Variants in ATP8A1 observed in about 807,000 individuals in gnomAD.
The protein encoded by ATP8A1 is ATPase phospholipid transporting 8A1.
In ATP8A1, 90 loss-of-function variants were observed where a neutral mutation model predicts 177.7. The observed-to-expected ratio is 0.51, with a 90% confidence interval of 0.43 to 0.60. The LOEUF is 0.60. Among genes scored for constraint, ATP8A1 ranks in the 20% least tolerant of loss-of-function variants. The probability of loss-of-function intolerance (pLI) is 0.00; values close to 1 mark genes in which losing one functional copy is unlikely to be tolerated. For synonymous variants in ATP8A1, 493 were observed against 485.9 expected (o/e 1.01, Z -0.19); for missense variants, 1,072 against 1,392.8 (o/e 0.77, Z 3.67).
chr4:42,523,702 T>A (rs900942662), intron 21 of ATP8A1, among the ~76,000 whole-genome samples: 2 of 152,174 alleles, frequency 1.3e-5, no homozygotes, highest in African/African-American at 4.8e-5. Flanking sequence ...AGGAGAAAGA[T>A]GCCCTCAGCT....
At chr4:42,570,520 C>A (rs190708017) in intron 14 of ATP8A1, among the ~76,000 whole-genome samples, 178 of 152,338 alleles carry the variant, frequency 1.2e-3, no homozygotes, top group Non-Finnish European at 1.9e-3. Context: ...CAATCTCATA[C>A]CAGGACAGGG....
intron 5 of ATP8A1, among the ~76,000 whole-genome samples, chr4:42,609,450 C>T (rs770364383): frequency 1.1e-4 from 16 of 152,182 alleles, no homozygotes; most frequent in Non-Finnish European, 2.2e-4. Context: ...CTCACTTTTT[C>T]CTCTGCTTAA....
Position 42,588,252 on chromosome 4 carries a change from G to C in ATP8A1, c.594+8C>G, listed in dbSNP as rs1733825740. The C allele has an allele frequency of 1.9e-5, 31 of 1,601,890 alleles. No homozygotes were observed. Among genetic ancestry groups the C allele is most frequent in the African/African-American group, 4.0e-5 (3 of 74,670 alleles). ...AGTGATTATACATATACTTGTATCAGATCTTACCTGTCTAATTTTCAAGTT... is the reference window on the plus strand; with the variant it reads ...AGTGATTATACATATACTTGTATCACATCTTACCTGTCTAATTTTCAAGTT... On this transcript the variant is annotated splice_region_variant and intron_variant, in intron 8 of 36. Coordinates refer to ENST00000381668, the MANE Select transcript of ATP8A1 (RefSeq NM_006095.2).
Position 42,556,139 on chromosome 4 carries a change from C to A in ATP8A1, c.1341-99G>T, listed in dbSNP as rs568217322. 210 of 704,934 alleles carry A rather than the reference C, an allele frequency of 3.0e-4. 2 individuals are homozygous for A. Among genetic ancestry groups the A allele is most frequent in the African/African-American group, 2.9e-3 (158 of 54,270 alleles). 43.7% of individuals were successfully genotyped at this position (704,934 alleles called of 1,614,324 possible). A position where few individuals can be genotyped will look rare whatever the true frequency, so the allele number is the denominator to read the frequency against. ...ATGAGTAAAGTGTTATGTCTCCAAACCCTCAATAAATTAAATGTAATTTGG... is the reference window on the plus strand; with the variant it reads ...ATGAGTAAAGTGTTATGTCTCCAAAACCTCAATAAATTAAATGTAATTTGG... On this transcript the variant is annotated intron_variant, in intron 15 of 36. Coordinates refer to ENST00000381668, the MANE Select transcript of ATP8A1 (RefSeq NM_006095.2).
intron 24 of ATP8A1, among the ~76,000 whole-genome samples, chr4:42,497,305 A>G (rs1723379553): frequency 6.6e-6 from 1 of 152,206 alleles, no homozygotes; most frequent in Non-Finnish European, 1.5e-5. Context: ...GTACTGGCAC[A>G]TAGTAGGTTT....
intron 4 of ATP8A1, among the ~76,000 whole-genome samples, chr4:42,620,309 C>A (rs1331614380): frequency 6.6e-6 from 1 of 152,178 alleles, no homozygotes; most frequent in Non-Finnish European, 1.5e-5. Flanking sequence ...TAGTCAATTT[C>A]TTAACAGTGA....
At chr4:42,487,116 C>G (rs115396480) in intron 24 of ATP8A1, among the ~76,000 whole-genome samples, 1,889 of 152,220 alleles carry the variant, frequency 0.012, 43 homozygotes, top group African/African-American at 0.043. Flanking sequence ...TAATTTTAAT[C>G]ATGATTTCAT....
chr4:42,448,828 G>GTTTTTTTTTTTT (rs55946444), intron 30 of ATP8A1, among the ~76,000 whole-genome samples: 5 of 84,206 alleles, frequency 5.9e-5, no homozygotes, highest in African/African-American at 1.8e-4. Flanking sequence ...TGTACTTTGC[G>GTTTTTTTTTTTT]TTTTTTTTTT....
intron 8 of ATP8A1, among the ~76,000 whole-genome samples, chr4:42,587,707 C>A (rs1012013141): frequency 6.6e-6 from 1 of 151,168 alleles, no homozygotes; most frequent in Non-Finnish European, 1.5e-5. Context: ...CCCGGGTTCA[C>A]GCCCTTCTCC....
intron 29 of ATP8A1, among the ~76,000 whole-genome samples, chr4:42,454,533 C>A (rs1416576272): frequency 6.6e-6 from 1 of 152,090 alleles, no homozygotes; most frequent in Non-Finnish European, 1.5e-5. Context: ...TGACACCTAA[C>A]TTGATTGTTG....
At position 42,443,556 on chromosome 4, in the gene ATP8A1, G is replaced by A. The variant is rs750165044; in HGVS notation, c.3123+9C>T. The A allele has an allele frequency of 8.6e-6, 9 of 1,047,282 alleles. No individual in the cohort carries two copies. The highest frequency in any genetic ancestry group is 1.6e-5 in the African/African-American group (1 of 64,056). The allele number at this position is 1,047,282 out of a possible 1,614,324, so 64.9% of individuals were successfully genotyped here. A position where few individuals can be genotyped will look rare whatever the true frequency, so the allele number is the denominator to read the frequency against. On this transcript the variant is annotated intron_variant, in intron 33 of 36. Transcript: ENST00000381668. ...TTTTGTTGGATTGTGAGTTATTAGC[G>A]CACATTACCTCTCCTGACATATCAG...
In ATP8A1 at chr4:42,482,411, A is replaced by G. The variant is rs562886753; in HGVS notation, c.2324+3085T>C. On this transcript the variant is annotated intron_variant, in intron 25 of 36. Coordinates refer to ENST00000381668, the MANE Select transcript of ATP8A1 (RefSeq NM_006095.2). ...TTTCATTCCACTTCTTGGGTTTTATATACTTAAGAAAAATATTTGAGGCAC... is the reference window on the plus strand; with the variant it reads ...TTTCATTCCACTTCTTGGGTTTTATGTACTTAAGAAAAATATTTGAGGCAC... 5.3e-5 allele frequency among the ~76,000 whole-genome samples: 8 copies of G among 152,288 alleles called. No homozygotes were observed. The East Asian group carries it at 7.7e-4, about 15-fold the overall frequency.
chr4:42,579,832 G>C lies in ATP8A1; in HGVS notation c.981C>G (p.Asp327Glu). ...GCTTACAGTTTAGATTGAGATACCA[G>C]TCTTTTCCAGAATGCCTTCGATTCC... ...AIWNRRHSGK[D>E]WYLNLNYGGA... The change falls in exon 11 of 37, where the codon GAC (aspartate) becomes GAG (glutamate). Residue 327 changes from aspartate to glutamate, a missense_variant. Asp to Glu is a conservative substitution (Grantham distance 45, BLOSUM62 2). This residue lies in a region of ATP8A1 where 344 missense variants were observed against 393.5 expected (regional missense o/e 0.87). Coordinates refer to ENST00000381668, the MANE Select transcript of ATP8A1 (RefSeq NM_006095.2). The C allele has an allele frequency of 6.2e-7, 1 of 1,613,628 alleles. No homozygotes were observed. Among genetic ancestry groups the C allele is most frequent in the Non-Finnish European group, 8.5e-7 (1 of 1,179,800 alleles).
chr4:42,412,143 T>C lies in ATP8A1; in HGVS notation c.*773A>G, dbSNP rs940757965. On this transcript the variant is annotated 3_prime_UTR_variant, in exon 37 of 37. Transcript: ENST00000381668. ...AAAAATCAGTGTCATAACAACAGAG[T>C]CACATTAACACGTGTGTCCTCTAAC... 6 of 152,038 alleles carry C rather than the reference T, an allele frequency of 3.9e-5. No individual in the cohort carries two copies. The highest frequency in any genetic ancestry group is 1.3e-4 in the Admixed American group (2 of 15,258). The allele number at this position is 152,038 out of a possible 1,614,324, so 9.4% of individuals were successfully genotyped here.
intron 35 of ATP8A1, among the ~76,000 whole-genome samples, chr4:42,419,194 C>T (rs555209645): frequency 1.3e-5 from 2 of 152,294 alleles, no homozygotes; most frequent in South Asian, 2.1e-4. Context: ...GCAATCCTTT[C>T]GCCCACTCTT....
At chr4:42,501,175 T>G (rs1723815895) in intron 24 of ATP8A1, among the ~76,000 whole-genome samples, 1 of 152,190 alleles carries the variant, frequency 6.6e-6, no homozygotes, top group African/African-American at 2.4e-5. Flanking sequence ...CTTGCCACCT[T>G]AGGGAAAAAA....
intron 33 of ATP8A1, among the ~76,000 whole-genome samples, chr4:42,432,941 T>C (rs1358757501): frequency 6.6e-6 from 1 of 152,220 alleles, no homozygotes; most frequent in Non-Finnish European, 1.5e-5. Context: ...TCTTCATGAC[T>C]TCCTAGTTTA....
At chr4:42,509,803 GA>G (rs1259141794) in intron 22 of ATP8A1, among the ~76,000 whole-genome samples, 51 of 128,370 alleles carry the variant, frequency 4.0e-4, no homozygotes, top group Non-Finnish European at 7.1e-4. Context: ...GGTAAGCCGA[GA>G]TCAAGCCACT....
At chr4:42,479,046 T>C (rs1192692754) in intron 25 of ATP8A1, among the ~76,000 whole-genome samples, 3 of 152,190 alleles carry the variant, frequency 2.0e-5, no homozygotes, top group African/African-American at 7.2e-5. Context: ...ATTCCATCAG[T>C]ATTGCAGGAA....
Sources: gnomAD v4.1 joint callset for allele counts (sites outside exome capture counted in the v4.1 genomes callset) on GRCh38, gnomAD v4.1.1 for gene constraint, gnomAD v4.1.1 regional missense constraint, MANE v1.5 for transcripts, NCBI Gene and HGNC (gene_info 2026-07-23, HGNC 2026-07-21) for gene names.